Variants in FBXL17 observed in about 807,000 individuals in gnomAD.
FBXL17 encodes F-box and leucine rich repeat protein 17, also known as F-box/LRR-repeat protein 17.
FBXL17 carries 22 observed loss-of-function variants against 66.2 expected under a neutral mutation model. The ratio of observed to expected loss-of-function variants is 0.33; its 90% CI spans 0.24 to 0.47. The LOEUF is 0.47. Among genes scored for constraint, FBXL17 ranks in the 20% least tolerant of loss-of-function variants. FBXL17 has a pLI of 1.00. For synonymous variants in FBXL17, 474 were observed against 400.5 expected, an observed-to-expected ratio of 1.18 and a Z score of -2.19; for missense variants, 878 against 948.2, an observed-to-expected ratio of 0.93 and a Z score of 0.97.
At chr5:107,969,895 T>A (rs916001849) in intron 7 of FBXL17, among the ~76,000 whole-genome samples, 1 of 152,194 alleles carries the variant, frequency 6.6e-6, no homozygotes, top group South Asian at 2.1e-4. Flanking sequence ...TCAGGCATCA[T>A]CTTACAATTC....
intron 5 of FBXL17, among the ~76,000 whole-genome samples, chr5:108,199,971 T>C (rs1271740608): frequency 6.6e-6 from 1 of 150,568 alleles, no homozygotes; most frequent in African/African-American, 2.4e-5. Context: ...CTGAAGACAC[T>C]GAAGCTGATC....
At chr5:108,139,873 C>T (rs1329751638) in intron 6 of FBXL17, among the ~76,000 whole-genome samples, 1 of 152,102 alleles carries the variant, frequency 6.6e-6, no homozygotes, top group African/African-American at 2.4e-5. Flanking sequence ...ATTTGCATGC[C>T]TTCTGAATTC....
chr5:108,094,087 A>G (rs1441539340), intron 6 of FBXL17, among the ~76,000 whole-genome samples: 1 of 152,196 alleles, frequency 6.6e-6, no homozygotes, highest in Non-Finnish European at 1.5e-5. Flanking sequence ...AGTGCTGCAC[A>G]GTTAAAAAGT....
chr5:108,147,213 C>CA (rs1212037486), intron 6 of FBXL17, among the ~76,000 whole-genome samples: 1 of 152,258 alleles, frequency 6.6e-6, no homozygotes, highest in South Asian at 2.1e-4. Flanking sequence ...AGCAAGAACT[C>CA]AGAGTTTTCC....
At chr5:108,352,225 C>T (rs755400218) in intron 3 of FBXL17, among the ~76,000 whole-genome samples, 5 of 152,198 alleles carry the variant, frequency 3.3e-5, no homozygotes, top group Non-Finnish European at 7.3e-5. Context: ...CCGGCAAGAC[C>T]AGACCCAAAT....
At chr5:107,919,382 A>G (rs530870625) in intron 7 of FBXL17, among the ~76,000 whole-genome samples, 4 of 152,238 alleles carry the variant, frequency 2.6e-5, no homozygotes, top group South Asian at 4.2e-4. Context: ...CAGCTTCCTG[A>G]CAGGTACCTC....
chr5:107,990,673 A>G (rs1197021708), intron 7 of FBXL17, among the ~76,000 whole-genome samples: 1 of 152,228 alleles, frequency 6.6e-6, no homozygotes, highest in Middle Eastern at 3.2e-3. Flanking sequence ...GCAAGTGCTC[A>G]ATAAATATTA....
intron 6 of FBXL17, among the ~76,000 whole-genome samples, chr5:108,044,259 T>A (rs1747159959): frequency 1.6e-5 from 1 of 64,458 alleles, no homozygotes; most frequent in African/African-American, 7.4e-5. Flanking sequence ...TTGTTCCTGG[T>A]CATAATGAAA....
chr5:107,905,057 CTATA>C (rs141059143), intron 7 of FBXL17, among the ~76,000 whole-genome samples: 1 of 145,950 alleles, frequency 6.9e-6, no homozygotes, highest in African/African-American at 2.5e-5. Flanking sequence ...AACTTTTTTG[CTATA>C]TATATATATA....
intron 7 of FBXL17, among the ~76,000 whole-genome samples, chr5:108,005,661 A>T (rs1753894965): frequency 1.3e-5 from 2 of 152,186 alleles, no homozygotes; most frequent in African/African-American, 4.8e-5. Context: ...GCTTATTGTA[A>T]CAATGATCCC....
chr5:108,339,862 A>G (rs1050377793), intron 4 of FBXL17, among the ~76,000 whole-genome samples: 4 of 152,162 alleles, frequency 2.6e-5, no homozygotes, highest in Non-Finnish European at 5.9e-5. Context: ...GCATTTGGCC[A>G]TCTCCTATCA....
chr5:108,063,817 G>C (rs893564847), intron 6 of FBXL17, among the ~76,000 whole-genome samples: 1 of 151,684 alleles, frequency 6.6e-6, no homozygotes, highest in East Asian at 1.9e-4. Flanking sequence ...TATCTTTCTT[G>C]TTTTTTGTTT....
At chr5:107,922,675 G>A (rs1370627757) in intron 7 of FBXL17, among the ~76,000 whole-genome samples, 1 of 152,002 alleles carries the variant, frequency 6.6e-6, no homozygotes, top group Non-Finnish European at 1.5e-5. Flanking sequence ...TCACATCTTG[G>A]GAAATAAAAC....
chr5:108,226,925 C>T (rs1225918969), intron 4 of FBXL17, among the ~76,000 whole-genome samples: 1 of 152,104 alleles, frequency 6.6e-6, no homozygotes, highest in East Asian at 1.9e-4. Context: ...TTGTACTTCT[C>T]AAGCCTTCAG....
chr5:108,204,128 G>A (rs971029060), intron 5 of FBXL17, among the ~76,000 whole-genome samples: 2 of 151,982 alleles, frequency 1.3e-5, no homozygotes, highest in African/African-American at 2.4e-5. Flanking sequence ...TTTGTAAGCT[G>A]TTGATAAATA....
At chr5:108,358,132 T>C (rs552313975) in intron 3 of FBXL17, among the ~76,000 whole-genome samples, 168 of 152,182 alleles carry the variant, frequency 1.1e-3, no homozygotes, top group Non-Finnish European at 2.0e-3. Context: ...CGAATACAAA[T>C]AGTTTTACTT....
intron 6 of FBXL17, among the ~76,000 whole-genome samples, chr5:108,129,383 T>C (rs1750838699): frequency 6.6e-6 from 1 of 152,036 alleles, no homozygotes; most frequent in African/African-American, 2.4e-5. Context: ...TACACATATT[T>C]CTAAGGAATT....
Position 108,259,079 on chromosome 5 carries a change from TAA to T in FBXL17, c.1507-34853_1507-34852del, listed in dbSNP as rs376829521. On this transcript the variant is annotated intron_variant, in intron 4 of 8. Coordinates refer to ENST00000542267, the MANE Select transcript of FBXL17 (RefSeq NM_001163315.3). ...GGCAGGTTTTTTCTCCCTTGAACAA[TAA>T]GTCTTCGGCGACTATCAGCTATTTT... Among the ~76,000 whole-genome samples, 670 of 152,200 alleles carry T rather than the reference TAA, an allele frequency of 4.4e-3. 4 individuals carry two copies. The highest frequency in any genetic ancestry group is 0.026 in the South Asian group (124 of 4,828).
chr5:107,947,751 C>T lies in FBXL17; in HGVS notation c.1823-66572G>A, dbSNP rs187765708. 7.6e-4 allele frequency among the ~76,000 whole-genome samples: 116 copies of T among 152,240 alleles called. 1 individual carries two copies. The highest frequency in any genetic ancestry group is 2.7e-3 in the African/African-American group (112 of 41,560). ...TAGACTGAGGATCTAGGGCTCCAGG[C>T]TGAATAAAGAATAACTTCTCTGGTC... On this transcript the variant is annotated intron_variant, in intron 7 of 8. Transcript: ENST00000542267.
Sources: gnomAD v4.1 joint callset for allele counts (sites outside exome capture counted in the v4.1 genomes callset) on GRCh38, gnomAD v4.1.1 for gene constraint, MANE v1.5 for transcripts, NCBI Gene and HGNC (gene_info 2026-07-23, HGNC 2026-07-21) for gene names.